HNRNPU: variants seen among roughly 807,000 people sequenced by gnomAD.
HNRNPU encodes the protein heterogeneous nuclear ribonucleoprotein U.
Under a neutral mutation model 94.7 loss-of-function variants are expected in HNRNPU, and 5 were observed. The ratio of observed to expected loss-of-function variants is 0.05; its 90% CI spans 0.03 to 0.11. The LOEUF is 0.11. Among genes scored for constraint, HNRNPU ranks in the 10% least tolerant of loss-of-function variants. The pLI, the probability that HNRNPU is intolerant of heterozygous loss-of-function variation, is 1.00. For synonymous variants in HNRNPU, 434 were observed against 381.6 expected, an observed-to-expected ratio of 1.14 and a Z score of -1.60; for missense variants, 710 against 1,049.2, an observed-to-expected ratio of 0.68 and a Z score of 4.47.
intron 10 of HNRNPU, 110 bp downstream of exon 10, chr1:244,856,347 A>G: frequency 8.0e-7 from 1 of 1,255,072 alleles, no homozygotes; most frequent in Non-Finnish European, 1.1e-6. Flanking sequence ...GTTAACTTTC[A>G]GGAGGCCTAA....
chr1:244,862,941 T>A, intron 1 of HNRNPU: 1 of 583,644 alleles, frequency 1.7e-6, no homozygotes, highest in Non-Finnish European at 3.0e-6. Context: ...GCCAGTCTCC[T>A]CGATGATTCG....
In HNRNPU at chr1:244,859,381, G is replaced by A. The variant is rs761724265; in HGVS notation, c.1018-7C>T. 1.3e-5 allele frequency: 17 copies of A among 1,332,024 alleles called. No individual in the cohort carries two copies. The highest frequency in any genetic ancestry group is 6.7e-5 in the Admixed American group (4 of 59,306). 82.5% of individuals were successfully genotyped at this position (1,332,024 alleles called of 1,614,324 possible). On this transcript the variant is annotated splice_region_variant and splice_polypyrimidine_tract_variant and intron_variant, in intron 4 of 13. Coordinates refer to ENST00000640218, the MANE Select transcript of HNRNPU (RefSeq NM_031844.3). ...CTGGGATCTTCTCTGTAACCTGAAA[G>A]TCAAATCATTAAATAATTAAAATAA...
intron 1 of HNRNPU, 167 bp from the exon 2 acceptor site, chr1:244,862,897 G>A: frequency 4.6e-6 from 3 of 646,352 alleles, no homozygotes; most frequent in East Asian, 2.6e-5. Flanking sequence ...TTCGATTGGC[G>A]CTAGTGACGC....
intron 8 of HNRNPU, chr1:244,857,283 T>A: frequency 4.0e-6 from 1 of 250,184 alleles, no homozygotes; most frequent in Non-Finnish European, 7.5e-6. Flanking sequence ...TGTTGCTCTG[T>A]CGCCCAGACT....
rs1317891004 is a variant in HNRNPU at position 244,864,245 on chromosome 1, C to T, written c.63G>A (p.Lys21=). 3 of 1,613,252 alleles carry T rather than the reference C, an allele frequency of 1.9e-6. No individual in the cohort carries two copies. The highest frequency in any genetic ancestry group is 2.5e-6 in the Non-Finnish European group (3 of 1,179,784). ...LKVSELKEEL[K]KRRLSDKGLK... is the part of the protein sequence containing the mutation. Reference sequence around the variant, plus strand: ...GACCCTTGTCAGAAAGGCGTCGCTTCTTGAGCTCCTCTTTCAGCTCCGACA... The same window carrying T: ...GACCCTTGTCAGAAAGGCGTCGCTTTTTGAGCTCCTCTTTCAGCTCCGACA... Residue 21 remains lysine, a synonymous_variant, in exon 1 of 14, where the codon AAG becomes AAA. Coordinates refer to ENST00000640218, the MANE Select transcript of HNRNPU (RefSeq NM_031844.3).
intron 7 of HNRNPU, 86 bp downstream of exon 7, chr1:244,857,925 A>G: frequency 7.2e-7 from 1 of 1,382,390 alleles, no homozygotes; most frequent in Non-Finnish European, 9.9e-7. Flanking sequence ...AATGAAACAG[A>G]CTAATCATCT....
intron 6 of HNRNPU, 103 bp downstream of exon 6, chr1:244,858,626 T>C (rs779949669): frequency 2.9e-6 from 2 of 690,460 alleles, no homozygotes; most frequent in Non-Finnish European, 5.2e-6. Flanking sequence ...CTGGTGTATT[T>C]TGTTGCTCAT....
At chr1:244,856,395 T>G in intron 10 of HNRNPU, 62 bp downstream of exon 10, 1 of 1,503,428 alleles carries the variant, frequency 6.7e-7, no homozygotes. Flanking sequence ...AAGCAGAATA[T>G]GTAGGAAAAA....
rs201637304 is a variant in HNRNPU, at chr1:244,858,245, C to T, written c.1260G>A (p.Ser420=). The part of the protein sequence containing the change: ...ANFESDEVEL[S]YAKNGQDLGV... Reference sequence around the variant, plus strand: ...CAAGATCTTGTCCATTCTTAGCATACGAGAGTTCTACTTCATCACTTTCAA... The same window carrying T: ...CAAGATCTTGTCCATTCTTAGCATATGAGAGTTCTACTTCATCACTTTCAA... The change falls in exon 7 of 14, where the codon TCG becomes TCA. Residue 420 remains serine (S), a synonymous_variant. Transcript: ENST00000640218. The T allele has an allele frequency of 2.5e-6, 4 of 1,613,880 alleles. No individual in the cohort carries two copies. Among genetic ancestry groups the T allele is most frequent in the Non-Finnish European group, 3.4e-6 (4 of 1,179,918 alleles).
At position 244,855,523 on chromosome 1, in the gene HNRNPU, A is replaced by G. The variant is rs1433581342; in HGVS notation, c.2253T>C (p.Tyr751=). The change falls in exon 12 of 14, where the codon TAT becomes TAC. Residue 751 remains tyrosine, a synonymous_variant. Transcript: ENST00000640218. ...GAAAAACAGGGGCACGAGGGTATGG[A>G]TAGCCGATTCCACCACTTCCTCCAC... is the stretch of plus-strand genomic sequence containing the variant. The part of the protein sequence containing the change: ...GGGGGSGGIG[Y]PYPRAPVFPG... The G allele has an allele frequency of 1.2e-6, 2 of 1,614,026 alleles. No homozygotes were observed. The highest frequency in any genetic ancestry group is 2.2e-5 in the South Asian group (2 of 91,072).
chr1:244,858,613 G>A (rs1414354759), intron 6 of HNRNPU, 116 bp downstream of exon 6: 2 of 668,566 alleles, frequency 3.0e-6, no homozygotes, highest in East Asian at 2.7e-5. Flanking sequence ...ACTAATCCAG[G>A]GACTGGTGTA....
intron 3 of HNRNPU, chr1:244,861,496 G>A (rs1000268523): frequency 1.3e-5 from 2 of 152,064 alleles, no homozygotes; most frequent in African/African-American, 4.8e-5. Context: ...AGGCTCAGAT[G>A]ACTATCTCAA....
chr1:244,856,608 A>C lies in HNRNPU; in HGVS notation c.1761T>G (p.Ala587=). The C allele has an allele frequency of 6.2e-7, 1 of 1,613,806 alleles. No homozygotes were observed. Among genetic ancestry groups the C allele is most frequent in the Non-Finnish European group, 8.5e-7 (1 of 1,179,946 alleles). ...FILDQTNVSA[A]AQRRKMCLFA... is the part of the protein sequence containing the mutation. ...ACAGGCACATTTTTCTCCTCTGGGC[A>C]GCAGCAGACACATTTGTCTTTAAAA... The change falls in exon 10 of 14, where the codon GCT becomes GCG. Residue 587 remains alanine, a synonymous_variant. Coordinates refer to ENST00000640218, the MANE Select transcript of HNRNPU (RefSeq NM_031844.3).
In HNRNPU at chr1:244,864,403, G is replaced by C; in HGVS notation, c.-96C>G. The C allele has an allele frequency of 6.4e-7, 1 of 1,567,464 alleles. No homozygotes were observed. Among genetic ancestry groups the C allele is most frequent in the Non-Finnish European group, 8.6e-7 (1 of 1,161,570 alleles). ...CTGCTGCGGCTGCTCCTCGGCCCGG[G>C]CGGCGGCTGCGGCTGCGGCTGGAGA... On this transcript the variant is annotated 5_prime_UTR_variant, in exon 1 of 14. Transcript: ENST00000640218.
At chr1:244,858,957 T>C (rs952068673) in intron 5 of HNRNPU, 116 bp from the exon 6 acceptor site, 5 of 616,174 alleles carry the variant, frequency 8.1e-6, no homozygotes, top group Non-Finnish European at 1.1e-5. Context: ...TAATCACCTG[T>C]CACTGACACT....
rs1175660350 is a variant in HNRNPU, at chr1:244,851,126, G to C, written c.*3324C>G. On this transcript the variant is annotated 3_prime_UTR_variant, in exon 14 of 14. Coordinates refer to ENST00000640218, the MANE Select transcript of HNRNPU (RefSeq NM_031844.3). ...ACCCAGCCAAGTTCCATCCACTTTT[G>C]AAAACAAGACATTTATGTATAGGAA... The C allele has an allele frequency of 6.6e-6, 1 of 152,064 alleles. No homozygotes were observed. The highest frequency in any genetic ancestry group is 1.5e-5 in the Non-Finnish European group (1 of 68,026). 9.4% of individuals were successfully genotyped at this position (152,064 alleles called of 1,614,324 possible). A position where few individuals can be genotyped will look rare whatever the true frequency, so the allele number is the denominator to read the frequency against.
At chr1:244,855,325 G>C in intron 12 of HNRNPU, 99 bp downstream of exon 12, 2 of 1,159,878 alleles carry the variant, frequency 1.7e-6, no homozygotes, top group South Asian at 1.4e-5. Flanking sequence ...TGCCTATCAT[G>C]TTCCTTACGG....
At position 244,855,885 on chromosome 1, in the gene HNRNPU, A is replaced by G; in HGVS notation, c.2167+19T>C. ...GTTTCGATCCTGAACTAAATACAGA[A>G]CACTCAAAATTAACTTGCCTCCTCC... On this transcript the variant is annotated intron_variant, in intron 11 of 13. Transcript: ENST00000640218. The G allele has an allele frequency of 6.2e-7, 1 of 1,612,602 alleles. No individual in the cohort carries two copies. The highest frequency in any genetic ancestry group is 2.2e-5 in the East Asian group (1 of 44,858).
Position 244,864,507 on chromosome 1 carries a change from G to A in HNRNPU, c.-200C>T, listed in dbSNP as rs1250543529. 1.3e-5 allele frequency: 11 copies of A among 877,932 alleles called. No individual in the cohort carries two copies. Among genetic ancestry groups the A allele is most frequent in the African/African-American group, 5.4e-5 (3 of 55,786 alleles). 54.4% of individuals were successfully genotyped at this position (877,932 alleles called of 1,614,324 possible). ...TCACCGAGTTCGCGAGGGAGACGCG[G>A]AGACTCGCCTGGCGCGAGCGAGCAC... is the stretch of plus-strand genomic sequence containing the variant. On this transcript the variant is annotated 5_prime_UTR_variant, in exon 1 of 14. Transcript: ENST00000640218.
Sources: gnomAD v4.1 joint callset for allele counts on GRCh38, gnomAD v4.1.1 for gene constraint, MANE v1.5 for transcripts, NCBI Gene and HGNC (gene_info 2026-07-23, HGNC 2026-07-21) for gene names.